The following COX10 variants were observed in gnomAD, a reference collection of about 807,000 sequenced individuals.
COX10 encodes the protein cytochrome c oxidase assembly factor heme A:farnesyltransferase COX10.
COX10 carries 27 observed loss-of-function variants against 37.3 expected under a neutral mutation model. The ratio of observed to expected loss-of-function variants is 0.72; its 90% confidence interval spans 0.53 to 1.00. The LOEUF (loss-of-function observed/expected upper bound fraction) is 1.00. Among genes scored for constraint, COX10 ranks in the 50% least tolerant of loss-of-function variants. The probability of loss-of-function intolerance (pLI) is 0.00; values close to 1 mark genes in which losing one functional copy is unlikely to be tolerated. For synonymous variants in COX10, 222 were observed against 229.1 expected (o/e 0.97, Z 0.28); for missense variants, 475 against 563.2 (o/e 0.84, Z 1.59).
At position 14,107,786 on chromosome 17, in the gene COX10, T is replaced by G. The variant is rs138232430; in HGVS notation, c.624+5544T>G. 2.0e-3 allele frequency among the ~76,000 whole-genome samples: 307 copies of G among 152,294 alleles called. 1 individual carries two copies. The highest frequency in any genetic ancestry group is 6.8e-3 in the Middle Eastern group (2 of 294). On this transcript the variant is annotated intron_variant, in intron 4 of 6. Coordinates refer to ENST00000261643, the MANE Select transcript of COX10 (RefSeq NM_001303.4). ...CTTGATGACTGATCTCCTTAGTTTT[T>G]ACAATATTCCTAGCAGATTGTCTCC... is the stretch of plus-strand genomic sequence containing the variant.
At chr17:14,139,921 A>G (rs552310861) in intron 4 of COX10, among the ~76,000 whole-genome samples, 15 of 152,286 alleles carry the variant, frequency 9.8e-5, no homozygotes, top group African/African-American at 3.6e-4. Flanking sequence ...GCCATAGAAA[A>G]TGTCATTCTG....
chr17:14,081,715 C>T (rs1915298576), intron 3 of COX10, among the ~76,000 whole-genome samples: 1 of 152,186 alleles, frequency 6.6e-6, no homozygotes, highest in Non-Finnish European at 1.5e-5. Flanking sequence ...GGTGAGTTAA[C>T]ATTTGCAAAT....
At chr17:14,186,085 T>C (rs1307680566) in intron 5 of COX10, among the ~76,000 whole-genome samples, 1 of 152,240 alleles carries the variant, frequency 6.6e-6, no homozygotes, top group East Asian at 1.9e-4. Flanking sequence ...TGCCCACGAT[T>C]CTTCTTCCTT....
intron 5 of COX10, among the ~76,000 whole-genome samples, chr17:14,168,782 C>T (rs1183771773): frequency 3.9e-5 from 6 of 152,216 alleles, no homozygotes; most frequent in Admixed American, 3.9e-4. Flanking sequence ...AACAGCAAGG[C>T]CCTGGGCTCA....
intron 5 of COX10, among the ~76,000 whole-genome samples, chr17:14,173,555 C>G (rs968926135): frequency 9.8e-5 from 15 of 152,296 alleles, no homozygotes; most frequent in African/African-American, 3.6e-4. Context: ...AACAGGCAAC[C>G]TGGCCAGCTG....
chr17:14,172,257 T>C (rs1440277128), intron 5 of COX10, among the ~76,000 whole-genome samples: 1 of 149,630 alleles, frequency 6.7e-6, no homozygotes, highest in African/African-American at 2.4e-5. Context: ...TTGATTTCTT[T>C]CCTTTTGGGT....
intron 4 of COX10, among the ~76,000 whole-genome samples, chr17:14,155,866 C>G (rs1235389277): frequency 6.6e-6 from 1 of 152,164 alleles, no homozygotes; most frequent in Non-Finnish European, 1.5e-5. Flanking sequence ...TTCAGGCCCT[C>G]ATCATCTCTT....
intron 6 of COX10, among the ~76,000 whole-genome samples, chr17:14,203,835 A>G (rs1214475739): frequency 1.3e-5 from 2 of 152,130 alleles, no homozygotes; most frequent in Non-Finnish European, 2.9e-5. Flanking sequence ...GATCCTCATT[A>G]CCTGAAATAG....
intron 6 of COX10, among the ~76,000 whole-genome samples, chr17:14,202,185 T>G (rs918626636): frequency 1.3e-5 from 2 of 151,200 alleles, no homozygotes; most frequent in Admixed American, 6.6e-5. Context: ...TCCACTGATG[T>G]GGGAATGTCA....
chr17:14,205,703 G>A (rs1906678988), intron 6 of COX10, among the ~76,000 whole-genome samples: 1 of 152,186 alleles, frequency 6.6e-6, no homozygotes, highest in African/African-American at 2.4e-5. Flanking sequence ...ACCCTGGCCT[G>A]AAAATCAAGC....
At chr17:14,071,117 G>A (rs897643577) in intron 1 of COX10, among the ~76,000 whole-genome samples, 2 of 152,130 alleles carry the variant, frequency 1.3e-5, no homozygotes, top group South Asian at 2.1e-4. Flanking sequence ...TCCTGATCCT[G>A]GGCACTCATT....
In COX10 at chr17:14,079,951, A is replaced by G. The variant is rs113091724; in HGVS notation, c.499+2895A>G. On this transcript the variant is annotated intron_variant, in intron 3 of 6. Transcript: ENST00000261643. ...AGTTTTCACTGACAATATTCACTGC[A>G]TACTATTCCATTGTATGGATCTGCC... is the stretch of plus-strand genomic sequence containing the variant. Among the ~76,000 whole-genome samples the G allele has an allele frequency of 3.4e-3, 516 of 152,134 alleles. 5 individuals are homozygous for G. Among genetic ancestry groups the G allele is most frequent in the African/African-American group, 0.012 (491 of 41,520 alleles).
Position 14,195,782 on chromosome 17 carries a change from A to G in COX10, c.928+3561A>G, listed in dbSNP as rs147948272. On this transcript the variant is annotated intron_variant, in intron 6 of 6. Transcript: ENST00000261643. ...CAGTGGGCTGGGGTGGGGTCTGAGA[A>G]TTTTTATTTCTAACAAGTTTCTAGT... Among the ~76,000 whole-genome samples the G allele has an allele frequency of 4.0e-3, 602 of 152,264 alleles. 5 individuals carry two copies. The highest frequency in any genetic ancestry group is 0.012 in the African/African-American group (518 of 41,550).
chr17:14,149,931 C>T (rs1904840269), intron 4 of COX10, among the ~76,000 whole-genome samples: 1 of 152,020 alleles, frequency 6.6e-6, no homozygotes, highest in Admixed American at 6.6e-5. Context: ...GAGGATATGA[C>T]TGATTGGGAA....
intron 4 of COX10, among the ~76,000 whole-genome samples, chr17:14,106,136 C>T (rs1291270743): frequency 6.6e-6 from 1 of 152,052 alleles, no homozygotes; most frequent in African/African-American, 2.4e-5. Flanking sequence ...CCTGCCGCAG[C>T]CTCCCAAGTA....
intron 6 of COX10, among the ~76,000 whole-genome samples, chr17:14,199,340 G>C (rs1276570777): frequency 6.6e-6 from 1 of 152,196 alleles, no homozygotes; most frequent in African/African-American, 2.4e-5. Context: ...TAATATTTAA[G>C]TGATAAAGAT....
intron 4 of COX10, among the ~76,000 whole-genome samples, chr17:14,111,867 C>T (rs1161738055): frequency 6.6e-6 from 1 of 152,094 alleles, no homozygotes; most frequent in Non-Finnish European, 1.5e-5. Flanking sequence ...CTGATGTAAT[C>T]TACTAACTTA....
chr17:14,099,148 T>A (rs1915713703), intron 3 of COX10, among the ~76,000 whole-genome samples: 1 of 152,102 alleles, frequency 6.6e-6, no homozygotes, highest in South Asian at 2.1e-4. Context: ...TCTCTACTTA[T>A]ATCTGTGCAT....
At chr17:14,149,428 G>A (rs1904825678) in intron 4 of COX10, among the ~76,000 whole-genome samples, 1 of 152,020 alleles carries the variant, frequency 6.6e-6, no homozygotes, top group Non-Finnish European at 1.5e-5. Flanking sequence ...TCACTTTTTT[G>A]TAATAAAATT....
Sources: allele counts gnomAD v4.1 joint callset (sites outside exome capture counted in the v4.1 genomes callset), GRCh38; gene constraint gnomAD v4.1.1; transcripts MANE v1.5; gene names NCBI Gene and HGNC (gene_info 2026-07-23, HGNC 2026-07-21).